The following KCNB2 variants were observed in gnomAD, a reference collection of about 807,000 sequenced individuals.
KCNB2 encodes delayed rectifier potassium channel protein.
In KCNB2, 15 loss-of-function variants were observed where a neutral mutation model predicts 61.5. The observed-to-expected ratio is 0.24, with a 90% CI of 0.16 to 0.38. The LOEUF is 0.38. Ranked by LOEUF, KCNB2 falls within the 10% of genes least tolerant of loss-of-function variation. The pLI, the probability that KCNB2 is intolerant of heterozygous loss-of-function variation, is 1.00. For synonymous variants in KCNB2, 457 were observed against 446.0 expected, an observed-to-expected ratio of 1.02 and a Z score of -0.31; for missense variants, 828 against 1,125.2, an observed-to-expected ratio of 0.74 and a Z score of 3.78.
intron 2 of KCNB2, among the ~76,000 whole-genome samples, chr8:72,688,114 G>T (rs1432105909): frequency 6.6e-6 from 1 of 152,168 alleles, no homozygotes; most frequent in Non-Finnish European, 1.5e-5. Context: ...TGTATTTGCA[G>T]CTCCTACATA....
intron 2 of KCNB2, among the ~76,000 whole-genome samples, chr8:72,897,554 A>G (rs1345122010): frequency 6.6e-6 from 1 of 152,170 alleles, no homozygotes; most frequent in East Asian, 1.9e-4. Flanking sequence ...AACCTATTTA[A>G]AAGATGATAG....
At chr8:72,829,200 G>A (rs1809648211) in intron 2 of KCNB2, among the ~76,000 whole-genome samples, 1 of 152,118 alleles carries the variant, frequency 6.6e-6, no homozygotes, top group South Asian at 2.1e-4. Context: ...TATGGATGTT[G>A]GAGGCCTGAA....
intron 2 of KCNB2, among the ~76,000 whole-genome samples, chr8:72,634,422 A>G (rs1563544799): frequency 1.3e-5 from 2 of 152,146 alleles, no homozygotes; most frequent in African/African-American, 4.8e-5. Flanking sequence ...ATTTCTAACC[A>G]CTTCCCAGAT....
At chr8:72,648,758 G>A (rs139891673) in intron 2 of KCNB2, among the ~76,000 whole-genome samples, 268 of 152,026 alleles carry the variant, frequency 1.8e-3, no homozygotes, top group Middle Eastern at 0.017. Context: ...ATTGAATAAT[G>A]CATATCAGAA....
intron 2 of KCNB2, among the ~76,000 whole-genome samples, chr8:72,686,647 A>C (rs1806858167): frequency 6.6e-6 from 1 of 152,120 alleles, no homozygotes; most frequent in African/African-American, 2.4e-5. Context: ...CCTCAAACAC[A>C]ATTCATCATC....
intron 2 of KCNB2, among the ~76,000 whole-genome samples, chr8:72,720,805 T>G (rs1357335582): frequency 6.6e-6 from 1 of 152,218 alleles, no homozygotes; most frequent in African/African-American, 2.4e-5. Flanking sequence ...GTACTCAATC[T>G]CAATAACATA....
intron 2 of KCNB2, among the ~76,000 whole-genome samples, chr8:72,815,221 G>A (rs1162724637): frequency 6.6e-6 from 1 of 152,086 alleles, no homozygotes; most frequent in African/African-American, 2.4e-5. Flanking sequence ...AATGGAAGGA[G>A]TAAAACAGAG....
intron 2 of KCNB2, among the ~76,000 whole-genome samples, chr8:72,578,007 T>TA (rs1806825406): frequency 6.6e-6 from 1 of 152,216 alleles, no homozygotes; most frequent in Admixed American, 6.5e-5. Flanking sequence ...GTTTGTATCT[T>TA]AGAATTGCAT....
At chr8:72,585,658 A>G (rs1386821719) in intron 2 of KCNB2, among the ~76,000 whole-genome samples, 2 of 152,168 alleles carry the variant, frequency 1.3e-5, no homozygotes, top group Admixed American at 1.3e-4. Context: ...ATGAGCCGTG[A>G]TGCCCAACGG....
At chr8:72,868,362 G>A (rs1306707626) in intron 2 of KCNB2, among the ~76,000 whole-genome samples, 2 of 151,530 alleles carry the variant, frequency 1.3e-5, no homozygotes, top group African/African-American at 2.4e-5. Flanking sequence ...GGCGGATCAC[G>A]AGGTCAAGAG....
intron 2 of KCNB2, chr8:72,619,379 C>G (rs1451270346): frequency 7.7e-6 from 4 of 519,412 alleles, no homozygotes; most frequent in Non-Finnish European, 1.1e-5. Flanking sequence ...TTGCTTTCTG[C>G]CTGTTTCAAG....
At chr8:72,735,925 A>G (rs1036660736) in intron 2 of KCNB2, among the ~76,000 whole-genome samples, 1 of 152,180 alleles carries the variant, frequency 6.6e-6, no homozygotes, top group African/African-American at 2.4e-5. Context: ...AGTAAATCAA[A>G]CTACAAGTTG....
chr8:72,922,438 A>C (rs1806542631), intron 2 of KCNB2, among the ~76,000 whole-genome samples: 1 of 152,196 alleles, frequency 6.6e-6, no homozygotes, highest in African/African-American at 2.4e-5. Context: ...AGACTGTGTA[A>C]TTTATAAACA....
chr8:72,926,960 C>A (rs1436904873), intron 2 of KCNB2, among the ~76,000 whole-genome samples: 1 of 152,174 alleles, frequency 6.6e-6, no homozygotes, highest in Non-Finnish European at 1.5e-5. Context: ...TTACTCCTTA[C>A]GGCAGCATCC....
intron 2 of KCNB2, among the ~76,000 whole-genome samples, chr8:72,759,969 G>A (rs1261474509): frequency 6.6e-6 from 1 of 152,102 alleles, no homozygotes; most frequent in African/African-American, 2.4e-5. Context: ...AGTGTGATTG[G>A]GGGTGTAGTG....
chr8:72,637,630 A>T (rs1177733118), intron 2 of KCNB2, among the ~76,000 whole-genome samples: 1 of 152,038 alleles, frequency 6.6e-6, no homozygotes, highest in Non-Finnish European at 1.5e-5. Flanking sequence ...TCTCTCTCTC[A>T]CTTCTTTAAA....
intron 2 of KCNB2, among the ~76,000 whole-genome samples, chr8:72,574,755 G>A (rs1270536149): frequency 6.6e-6 from 1 of 152,086 alleles, no homozygotes; most frequent in Non-Finnish European, 1.5e-5. Context: ...ACAAAATAGA[G>A]TACATCAACA....
intron 2 of KCNB2, among the ~76,000 whole-genome samples, chr8:72,718,032 A>G (rs1807476225): frequency 1.3e-5 from 2 of 152,068 alleles, no homozygotes; most frequent in African/African-American, 4.8e-5. Context: ...TCAAAAGAAG[A>G]CATTTATGCA....
intron 2 of KCNB2, among the ~76,000 whole-genome samples, chr8:72,636,367 G>T (rs1805965832): frequency 6.6e-6 from 1 of 152,122 alleles, no homozygotes; most frequent in Non-Finnish European, 1.5e-5. Flanking sequence ...AAGCAAACTA[G>T]ATTTTTATGT....
Sources: gnomAD v4.1 joint callset for allele counts (sites outside exome capture counted in the v4.1 genomes callset) on GRCh38, gnomAD v4.1.1 for gene constraint, MANE v1.5 for transcripts, NCBI Gene and HGNC (gene_info 2026-07-23, HGNC 2026-07-21) for gene names.